ADCY3: variants seen among roughly 807,000 people sequenced by gnomAD.
ADCY3 encodes adenylate cyclase 3.
In ADCY3, 70 loss-of-function variants were observed where a neutral mutation model predicts 119.4. The ratio of observed to expected loss-of-function variants is 0.59; its 90% CI spans 0.48 to 0.72. The LOEUF (loss-of-function observed/expected upper bound fraction) is 0.72, where lower values mean the gene tolerates loss of function less well. Ranked by LOEUF, ADCY3 falls within the 30% of genes least tolerant of loss-of-function variation. ADCY3 has a pLI of 0.00. For synonymous variants in ADCY3, 672 were observed against 621.4 expected (o/e 1.08, Z -1.21); for missense variants, 1,238 against 1,541.6 (o/e 0.80, Z 3.30).
chr2:24,830,608 CGGTGGA>C (rs1038956713), intron 13 of ADCY3, 95 bp downstream of exon 13: 15 of 837,284 alleles, frequency 1.8e-5, no homozygotes, highest in Non-Finnish European at 2.9e-5. Flanking sequence ...AGCTACATGA[CGGTGGA>C]GGGATGGACT....
intron 3 of ADCY3, among the ~76,000 whole-genome samples, chr2:24,845,400 T>A (rs1671548094): frequency 1.3e-5 from 2 of 152,230 alleles, no homozygotes; most frequent in Admixed American, 6.5e-5. Flanking sequence ...CAGATGGAGA[T>A]AAGGAACTTG....
At chr2:24,825,024 G>A (rs975578458) in intron 16 of ADCY3, among the ~76,000 whole-genome samples, 13 of 152,168 alleles carry the variant, frequency 8.5e-5, no homozygotes, top group African/African-American at 2.4e-4. Flanking sequence ...ATAGTGGTGC[G>A]GTTCCCAGCC....
intron 2 of ADCY3, among the ~76,000 whole-genome samples, chr2:24,902,642 C>T (rs552078900): frequency 4.7e-4 from 72 of 152,252 alleles, no homozygotes; most frequent in African/African-American, 1.6e-3. Context: ...GACAGCAAAA[C>T]CAACCCCTTC....
At chr2:24,883,139 G>T (rs991388881) in intron 2 of ADCY3, among the ~76,000 whole-genome samples, 72 of 152,080 alleles carry the variant, frequency 4.7e-4, no homozygotes, top group Non-Finnish European at 8.7e-4. Context: ...CACGAGGTCA[G>T]GAGTTCAAGA....
chr2:24,884,894 C>T (rs998818891), intron 2 of ADCY3, among the ~76,000 whole-genome samples: 2 of 152,196 alleles, frequency 1.3e-5, no homozygotes, highest in East Asian at 1.9e-4. Flanking sequence ...GCTCCACCCA[C>T]GGCGGTGCTT....
intron 3 of ADCY3, among the ~76,000 whole-genome samples, chr2:24,843,781 T>C (rs1010276768): frequency 2.6e-5 from 4 of 152,212 alleles, no homozygotes; most frequent in Non-Finnish European, 4.4e-5. Context: ...GGCAGTGGGC[T>C]GAACCATCCG....
chr2:24,907,294 A>G (rs1228909415), intron 2 of ADCY3, among the ~76,000 whole-genome samples: 1 of 151,634 alleles, frequency 6.6e-6, no homozygotes, highest in Non-Finnish European at 1.5e-5. Flanking sequence ...ACCAAACTAC[A>G]CTTCCTGGAG....
chr2:24,884,369 TG>T (rs1447285512), intron 2 of ADCY3, among the ~76,000 whole-genome samples: 1 of 152,154 alleles, frequency 6.6e-6, no homozygotes, highest in East Asian at 1.9e-4. Context: ...CCAGCCTTCC[TG>T]GGTCTTTAAA....
At chr2:24,904,360 T>C (rs1490248548) in intron 2 of ADCY3, among the ~76,000 whole-genome samples, 1 of 151,848 alleles carries the variant, frequency 6.6e-6, no homozygotes, top group East Asian at 2.0e-4. Flanking sequence ...CGAAACCCCA[T>C]CTCTACTAAA....
chr2:24,833,847 G>A (rs1046900948), intron 11 of ADCY3, among the ~76,000 whole-genome samples: 6 of 152,232 alleles, frequency 3.9e-5, no homozygotes, highest in African/African-American at 9.6e-5. Context: ...TCACACACCC[G>A]CAACCTTAGA....
In ADCY3 at chr2:24,898,299, G is replaced by A. The variant is rs11688665; in HGVS notation, c.675+20014C>T. On this transcript the variant is annotated intron_variant, in intron 2 of 21. Transcript: ENST00000679454. This position sits in a 1 kb window ranked among gnomAD's most constrained non-coding sequence, Gnocchi z 4.3. ...AGGCCCCCGGGGAGGCTCGAGGACCGCCTTTCCATCACCGTGGGGTGAGCC... is the reference window on the plus strand; with the variant it reads ...AGGCCCCCGGGGAGGCTCGAGGACCACCTTTCCATCACCGTGGGGTGAGCC... Among the ~76,000 whole-genome samples the A allele has an allele frequency of 5.3e-5, 8 of 151,774 alleles. No individual in the cohort carries two copies. The highest frequency in any genetic ancestry group is 1.2e-4 in the Non-Finnish European group (8 of 67,952).
chr2:24,851,871 T>C (rs966514802), intron 3 of ADCY3, among the ~76,000 whole-genome samples: 1 of 152,190 alleles, frequency 6.6e-6, no homozygotes, highest in African/African-American at 2.4e-5. Context: ...CTCATTCCTA[T>C]TGTCTCGCGC....
At chr2:24,823,094 A>C in intron 18 of ADCY3, 115 bp downstream of exon 18, 1 of 1,320,268 alleles carries the variant, frequency 7.6e-7, no homozygotes, top group East Asian at 2.5e-5. Context: ...GTATTGCGGA[A>C]GGGGCTTATC....
chr2:24,873,985 G>A (rs529770391), intron 2 of ADCY3, among the ~76,000 whole-genome samples: 3 of 152,332 alleles, frequency 2.0e-5, no homozygotes, highest in African/African-American at 7.2e-5. Context: ...AAAAAGGCAG[G>A]GAAGTCAATT....
At position 24,834,780 on chromosome 2, in the gene ADCY3, CG is replaced by C; in HGVS notation, c.1805+13del. ...GAGGAGTGGTGGGCCTGGACGCTTC[CG>C]GGTGGCGCTTACACTTGGGCGGACT... On this transcript the variant is annotated intron_variant, in intron 10 of 21. Coordinates refer to ENST00000679454, the MANE Select transcript of ADCY3 (RefSeq NM_004036.5). This position sits in a 1 kb window ranked among gnomAD's most constrained non-coding sequence, Gnocchi z 4.2. 4 of 1,610,978 alleles carry C rather than the reference CG, an allele frequency of 2.5e-6. No individual in the cohort carries two copies. The highest frequency in any genetic ancestry group is 3.4e-6 in the Non-Finnish European group (4 of 1,177,928).
chr2:24,892,382 G>A (rs1040205691), intron 2 of ADCY3, among the ~76,000 whole-genome samples: 1 of 151,934 alleles, frequency 6.6e-6, no homozygotes, highest in African/African-American at 2.4e-5. Flanking sequence ...CCAAGTAGCT[G>A]GGATTACAGG....
At chr2:24,886,006 T>C (rs2148903281) in intron 2 of ADCY3, among the ~76,000 whole-genome samples, 1 of 152,332 alleles carries the variant, frequency 6.6e-6, no homozygotes, top group Non-Finnish European at 1.5e-5. Flanking sequence ...AAGCTTCTCA[T>C]TTTACTTGCT....
At chr2:24,867,994 G>A (rs1182857120) in intron 3 of ADCY3, among the ~76,000 whole-genome samples, 1 of 152,064 alleles carries the variant, frequency 6.6e-6, no homozygotes, top group African/African-American at 2.4e-5. Context: ...TGACATAGTT[G>A]ACATTATTTC....
intron 3 of ADCY3, among the ~76,000 whole-genome samples, chr2:24,853,061 T>TA (rs1672571884): frequency 1.0e-5 from 1 of 99,700 alleles, no homozygotes; most frequent in African/African-American, 3.8e-5. Flanking sequence ...TGTGTGTGTG[T>TA]GTGTGTAGGG....
Sources: gnomAD v4.1 joint callset for allele counts (sites outside exome capture counted in the v4.1 genomes callset) on GRCh38, gnomAD v4.1.1 for gene constraint, Gnocchi (gnomAD v3.1) non-coding constraint, MANE v1.5 for transcripts, NCBI Gene and HGNC (gene_info 2026-07-23, HGNC 2026-07-21) for gene names.